The following TGOLN2 variants were observed in gnomAD, a reference collection of about 807,000 sequenced individuals.
The protein encoded by TGOLN2 is trans-golgi network protein 2.
In TGOLN2, 19 loss-of-function variants were observed where a neutral mutation model predicts 31.3. The observed-to-expected ratio is 0.61, with a 90% CI of 0.42 to 0.89. The LOEUF is 0.89. TGOLN2 is among the 40% of genes least tolerant of loss of function. The pLI, the probability that TGOLN2 is intolerant of heterozygous loss-of-function variation, is 0.00. For synonymous variants in TGOLN2, 222 were observed against 226.7 expected (o/e 0.98, Z 0.19); for missense variants, 540 against 559.2 (o/e 0.97, Z 0.35).
intron 3 of TGOLN2, among the ~76,000 whole-genome samples, chr2:85,323,812 T>C (rs903055056): frequency 6.6e-5 from 10 of 152,222 alleles, no homozygotes; most frequent in Non-Finnish European, 1.3e-4. Flanking sequence ...TGGCTGTTGC[T>C]ATGCTGAAAG....
rs1682539045 is a variant in TGOLN2, at chr2:85,321,306, A to G, written c.*1430T>C. ...ACCTTCATAAAGTAGGCTATCCGCC[A>G]AGAATGAAAATGTCAACTCAAAGCT... On this transcript the variant is annotated 3_prime_UTR_variant, in exon 4 of 4. Transcript: ENST00000377386. 6.5e-6 allele frequency: 1 copy of G among 152,716 alleles called. No homozygotes were observed. Among genetic ancestry groups the G allele is most frequent in the African/African-American group, 2.4e-5 (1 of 41,476 alleles). The allele number at this position is 152,716 out of a possible 1,614,324, so 9.5% of individuals were successfully genotyped here. A position where few individuals can be genotyped will look rare whatever the true frequency, so the allele number is the denominator to read the frequency against.
intron 3 of TGOLN2, chr2:85,322,947 G>A (rs1682598542): frequency 1.1e-6 from 1 of 906,638 alleles, no homozygotes; most frequent in Admixed American, 3.7e-5. Context: ...CTGTACTGTT[G>A]TGAATTATTT....
rs117889860 is a variant in TGOLN2 at position 85,326,270 on chromosome 2, T to C, written c.1224+238A>G. Among the ~76,000 whole-genome samples, 317 of 152,330 alleles carry C rather than the reference T, an allele frequency of 2.1e-3. 5 individuals are homozygous for C. Among genetic ancestry groups the C allele is most frequent in the East Asian group, 0.016 (83 of 5,190 alleles). ...TCCAAGTCAGGTCAGATCCTAATAATGTCCTAACTTGGCTCCTAATGCAGT... is the reference window on the plus strand; with the variant it reads ...TCCAAGTCAGGTCAGATCCTAATAACGTCCTAACTTGGCTCCTAATGCAGT... On this transcript the variant is annotated intron_variant, in intron 2 of 3. Transcript: ENST00000377386.
chr2:85,325,279 C>T (rs1356809165), intron 2 of TGOLN2, among the ~76,000 whole-genome samples: 6 of 152,176 alleles, frequency 3.9e-5, no homozygotes, highest in Non-Finnish European at 7.4e-5. Context: ...CAAAGGTACA[C>T]AGTCAAAGAT....
Position 85,321,350 on chromosome 2 carries a change from G to A in TGOLN2, c.*1386C>T, listed in dbSNP as rs1449479607. On this transcript the variant is annotated 3_prime_UTR_variant, in exon 4 of 4. Transcript: ENST00000377386. ...CAAAGCTATGGGCTGTTTTAAGCAA[G>A]GTGGAAGATAATATAAGAAGCATGG... 1 of 152,662 alleles carries A rather than the reference G, an allele frequency of 6.6e-6. No homozygotes were observed. The highest frequency in any genetic ancestry group is 1.5e-5 in the Non-Finnish European group (1 of 68,036). 9.5% of individuals were successfully genotyped at this position (152,662 alleles called of 1,614,324 possible). A position where few individuals can be genotyped will look rare whatever the true frequency, so the allele number is the denominator to read the frequency against.
Position 85,319,635 on chromosome 2 carries a change from T to A in TGOLN2, c.*3101A>T, listed in dbSNP as rs1682482571. ...CCCTCTTGGTTTCTGAAACCAACCT[T>A]TCTTCCTGCTCTCCTCTTTAAGAGC... On this transcript the variant is annotated 3_prime_UTR_variant, in exon 4 of 4. Coordinates refer to ENST00000377386, the MANE Select transcript of TGOLN2 (RefSeq NM_006464.4). 6.6e-6 allele frequency: 1 copy of A among 152,184 alleles called. No individual in the cohort carries two copies. Among genetic ancestry groups the A allele is most frequent in the Non-Finnish European group, 1.5e-5 (1 of 68,036 alleles). The allele number at this position is 152,184 out of a possible 1,614,324, so 9.4% of individuals were successfully genotyped here. A position where few individuals can be genotyped will look rare whatever the true frequency, so the allele number is the denominator to read the frequency against.
At position 85,321,363 on chromosome 2, in the gene TGOLN2, A is replaced by G. The variant is rs1204743035; in HGVS notation, c.*1373T>C. 1 of 152,678 alleles carries G rather than the reference A, an allele frequency of 6.5e-6. No homozygotes were observed. Among genetic ancestry groups the G allele is most frequent in the Non-Finnish European group, 1.5e-5 (1 of 68,048 alleles). The allele number at this position is 152,678 out of a possible 1,614,324, so 9.5% of individuals were successfully genotyped here. ...TGTTTTAAGCAAGGTGGAAGATAAT[A>G]TAAGAAGCATGGTCCTTTCTTCAGA... is the stretch of plus-strand genomic sequence containing the variant. On this transcript the variant is annotated 3_prime_UTR_variant, in exon 4 of 4. Transcript: ENST00000377386.
chr2:85,324,287 G>A (rs1009349480), intron 3 of TGOLN2: 2 of 152,374 alleles, frequency 1.3e-5, no homozygotes, highest in Admixed American at 6.5e-5. Context: ...TGGACGTGGT[G>A]GTGGCGCCTG....
In TGOLN2 at chr2:85,318,285, T is replaced by C. The variant is rs1352510974; in HGVS notation, c.*4451A>G. 6.6e-6 allele frequency: 1 copy of C among 152,202 alleles called. No homozygotes were observed. Among genetic ancestry groups the C allele is most frequent in the African/African-American group, 2.4e-5 (1 of 41,442 alleles). The allele number at this position is 152,202 out of a possible 1,614,324, so 9.4% of individuals were successfully genotyped here. On this transcript the variant is annotated 3_prime_UTR_variant, in exon 4 of 4. Coordinates refer to ENST00000377386, the MANE Select transcript of TGOLN2 (RefSeq NM_006464.4). ...GAGAAACAATTTCAACCATTAATCATTTATCAAACATGAAGTCTGGTGCAT... is the reference window on the plus strand; with the variant it reads ...GAGAAACAATTTCAACCATTAATCACTTATCAAACATGAAGTCTGGTGCAT...
rs577091842 is a variant in TGOLN2, at chr2:85,318,778, C to G, written c.*3958G>C. 1 of 152,218 alleles carries G rather than the reference C, an allele frequency of 6.6e-6. No individual in the cohort carries two copies. Among genetic ancestry groups the G allele is most frequent in the African/African-American group, 2.4e-5 (1 of 41,434 alleles). 9.4% of individuals were successfully genotyped at this position (152,218 alleles called of 1,614,324 possible). On this transcript the variant is annotated 3_prime_UTR_variant, in exon 4 of 4. Transcript: ENST00000377386. Reference sequence around the variant, plus strand: ...GAGCGTATGTAACTAGCTGTCAGGTCTTTCCCCGTTGCCTCAGCCTTTCTA... The same window carrying G: ...GAGCGTATGTAACTAGCTGTCAGGTGTTTCCCCGTTGCCTCAGCCTTTCTA...
chr2:85,325,656 T>G (rs1053715337), intron 2 of TGOLN2, among the ~76,000 whole-genome samples: 20 of 152,120 alleles, frequency 1.3e-4, no homozygotes, highest in African/African-American at 4.3e-4. Context: ...TTTTTTATTA[T>G]ATGTAGAGAC....
In TGOLN2 at chr2:85,324,870, C is replaced by G. The variant is rs1385951326; in HGVS notation, c.1308+45G>C. 4.6e-6 allele frequency: 7 copies of G among 1,522,210 alleles called. No individual in the cohort carries two copies. In the African/African-American group the frequency reaches 9.7e-5, roughly 21 times the overall value. The allele number at this position is 1,522,210 out of a possible 1,614,324, so 94.3% of individuals were successfully genotyped here. A position where few individuals can be genotyped will look rare whatever the true frequency, so the allele number is the denominator to read the frequency against. On this transcript the variant is annotated intron_variant, in intron 3 of 3. Transcript: ENST00000377386. ...CACTACTGGGTCCATCTGACGTTGC[C>G]TATCCCTCCTATCCCTCCCATGGAC...
rs1192937679 is a variant in TGOLN2 at position 85,322,148 on chromosome 2, G to C, written c.*588C>G. On this transcript the variant is annotated 3_prime_UTR_variant, in exon 4 of 4. Coordinates refer to ENST00000377386, the MANE Select transcript of TGOLN2 (RefSeq NM_006464.4). ...TTGGTTTGCTGCTGAAGTCTTTGAA[G>C]AGAATTATGTATTCAAAGTAGCTCT... is the stretch of plus-strand genomic sequence containing the variant. 1 of 152,848 alleles carries C rather than the reference G, an allele frequency of 6.5e-6. No homozygotes were observed. Among genetic ancestry groups the C allele is most frequent in the Non-Finnish European group, 1.5e-5 (1 of 68,558 alleles). 9.5% of individuals were successfully genotyped at this position (152,848 alleles called of 1,614,324 possible).
At chr2:85,325,127 C>G in intron 2 of TGOLN2, 129 bp from the exon 3 acceptor site, 1 of 772,876 alleles carries the variant, frequency 1.3e-6, no homozygotes, top group East Asian at 2.7e-5. Context: ...GCAGTACACT[C>G]ACAGAGGTCT....
In TGOLN2 at chr2:85,322,547, CAGACCCGCCACTAAATTCTAGAGGAGGGT is replaced by C. The variant is rs1311121444; in HGVS notation, c.*160_*188del. 2.7e-5 allele frequency: 35 copies of C among 1,297,414 alleles called. No individual in the cohort carries two copies. The highest frequency in any genetic ancestry group is 6.1e-5 in the African/African-American group (4 of 65,992). The allele number at this position is 1,297,414 out of a possible 1,614,324, so 80.4% of individuals were successfully genotyped here. ...AAGCAGCCCCCTACCTCTGCCAGCC[CAGACCCGCCACTAAATTCTAGAGGAGGGT>C]GTCTCTCAGGTCACAGTACTTTTTT... On this transcript the variant is annotated 3_prime_UTR_variant, in exon 4 of 4. Coordinates refer to ENST00000377386, the MANE Select transcript of TGOLN2 (RefSeq NM_006464.4).
At position 85,321,810 on chromosome 2, in the gene TGOLN2, C is replaced by G. The variant is rs1425106371; in HGVS notation, c.*926G>C. ...TCATAAAAGCCCTTTGGAAAAACTG[C>G]AGACCAAAACCAAAACCCTCCTTCA... On this transcript the variant is annotated 3_prime_UTR_variant, in exon 4 of 4. Coordinates refer to ENST00000377386, the MANE Select transcript of TGOLN2 (RefSeq NM_006464.4). 6.6e-6 allele frequency: 1 copy of G among 152,184 alleles called. No homozygotes were observed. The highest frequency in any genetic ancestry group is 2.4e-5 in the African/African-American group (1 of 41,440). The allele number at this position is 152,184 out of a possible 1,614,324, so 9.4% of individuals were successfully genotyped here. A position where few individuals can be genotyped will look rare whatever the true frequency, so the allele number is the denominator to read the frequency against.
At chr2:85,325,881 G>C (rs1457014346) in intron 2 of TGOLN2, among the ~76,000 whole-genome samples, 1 of 152,218 alleles carries the variant, frequency 6.6e-6, no homozygotes, top group East Asian at 1.9e-4. Context: ...ACAGAAACTA[G>C]CTTCTAAATG....
At chr2:85,323,852 G>A (rs182332344) in intron 3 of TGOLN2, among the ~76,000 whole-genome samples, 2 of 152,346 alleles carry the variant, frequency 1.3e-5, no homozygotes, top group Non-Finnish European at 1.5e-5. Context: ...TGGTAGCAAC[G>A]CAGTGAGAGT....
In TGOLN2 at chr2:85,322,473, A is replaced by T; in HGVS notation, c.*263T>A. The T allele has an allele frequency of 1.7e-6, 1 of 594,016 alleles. No individual in the cohort carries two copies. Among genetic ancestry groups the T allele is most frequent in the Non-Finnish European group, 2.8e-6 (1 of 353,734 alleles). The allele number at this position is 594,016 out of a possible 1,614,324, so 36.8% of individuals were successfully genotyped here. ...ACGGATGGAAGCCACCAGCATAAAT[A>T]AAGGGAACACAGAAGAACAATGTCA... is the stretch of plus-strand genomic sequence containing the variant. On this transcript the variant is annotated 3_prime_UTR_variant, in exon 4 of 4. Transcript: ENST00000377386.
Sources: allele counts gnomAD v4.1 joint callset (sites outside exome capture counted in the v4.1 genomes callset), GRCh38; gene constraint gnomAD v4.1.1; transcripts MANE v1.5; gene names NCBI Gene and HGNC (gene_info 2026-07-23, HGNC 2026-07-21).